RABGAP1L: variants seen among roughly 807,000 people sequenced by gnomAD.
The protein encoded by RABGAP1L is rab GTPase-activating protein 1-like.
In RABGAP1L, 63 loss-of-function variants were observed where a neutral mutation model predicts 137.7. The observed-to-expected ratio is 0.46, with a 90% CI of 0.37 to 0.56. The LOEUF (loss-of-function observed/expected upper bound fraction) is 0.56. Among genes scored for constraint, RABGAP1L ranks in the 20% least tolerant of loss-of-function variants. The pLI, the probability that RABGAP1L is intolerant of heterozygous loss-of-function variation, is 0.00. For synonymous variants in RABGAP1L, 431 were observed against 433.7 expected, an observed-to-expected ratio of 0.99 and a Z score of 0.08; for missense variants, 1,095 against 1,244.0, an observed-to-expected ratio of 0.88 and a Z score of 1.80.
chr1:174,402,829 G>A (rs1648771571), intron 13 of RABGAP1L, among the ~76,000 whole-genome samples: 1 of 152,118 alleles, frequency 6.6e-6, no homozygotes, highest in African/African-American at 2.4e-5. Context: ...GACCCACTAA[G>A]CAATGATCAC....
intron 1 of RABGAP1L, among the ~76,000 whole-genome samples, chr1:174,199,661 A>G (rs2148383520): frequency 6.6e-6 from 1 of 152,274 alleles, no homozygotes; most frequent in East Asian, 1.9e-4. Context: ...TATTTCCTTA[A>G]TAGTGGATTC....
chr1:174,292,226 T>C (rs961263087), intron 10 of RABGAP1L, among the ~76,000 whole-genome samples: 2 of 150,522 alleles, frequency 1.3e-5, no homozygotes, highest in African/African-American at 4.9e-5. Context: ...GGATGGGGTG[T>C]TGCTATGTTG....
At chr1:174,396,787 C>T (rs1647912138) in intron 13 of RABGAP1L, among the ~76,000 whole-genome samples, 1 of 151,976 alleles carries the variant, frequency 6.6e-6, no homozygotes, top group Admixed American at 6.6e-5. Flanking sequence ...AAATTTTTAT[C>T]ATTTATACCA....
chr1:174,221,994 ATTT>A (rs561413366), intron 3 of RABGAP1L, among the ~76,000 whole-genome samples: 2 of 144,268 alleles, frequency 1.4e-5, no homozygotes, highest in Non-Finnish European at 1.5e-5. Context: ...TGCCTAGCTA[ATTT>A]TTTTTTTTTT....
At chr1:174,588,045 T>C (rs1159951588) in intron 13 of RABGAP1L, among the ~76,000 whole-genome samples, 2 of 152,032 alleles carry the variant, frequency 1.3e-5, no homozygotes, top group Non-Finnish European at 2.9e-5. Flanking sequence ...TTTGTATTTT[T>C]AGTAGGGACA....
intron 6 of RABGAP1L, among the ~76,000 whole-genome samples, chr1:174,250,987 G>C (rs1672666427): frequency 6.6e-6 from 1 of 152,230 alleles, no homozygotes; most frequent in African/African-American, 2.4e-5. Flanking sequence ...TTTTAGGAGA[G>C]ACGGGGTTTC....
chr1:174,272,532 A>G (rs1388061894), intron 8 of RABGAP1L, 52 bp downstream of exon 8: 3 of 1,419,170 alleles, frequency 2.1e-6, no homozygotes, highest in Non-Finnish European at 2.8e-6. Context: ...GTTATTTTAT[A>G]TTTGACAAGT....
At chr1:174,672,588 A>G (rs1297285776) in intron 14 of RABGAP1L, among the ~76,000 whole-genome samples, 3 of 151,706 alleles carry the variant, frequency 2.0e-5, no homozygotes, top group African/African-American at 4.8e-5. Context: ...CTTTGTAGGC[A>G]TTTATTGCTG....
intron 19 of RABGAP1L, chr1:174,892,389 T>C (rs1009505541): frequency 2.7e-6 from 1 of 375,170 alleles, no homozygotes; most frequent in Non-Finnish European, 5.1e-6. Context: ...TATTTCCAGC[T>C]CCACCACTAT....
chr1:174,591,732 C>T (rs1397790819), intron 13 of RABGAP1L, among the ~76,000 whole-genome samples: 1 of 62,818 alleles, frequency 1.6e-5, no homozygotes, highest in Non-Finnish European at 2.7e-5. Context: ...GGTACCAGTA[C>T]CATGCTGTTT....
chr1:174,852,975 G>A (rs570699331), intron 19 of RABGAP1L, among the ~76,000 whole-genome samples: 4 of 152,010 alleles, frequency 2.6e-5, no homozygotes, highest in South Asian at 2.1e-4. Flanking sequence ...TTTAGCAGAA[G>A]TTTGTTATTT....
At chr1:174,904,508 G>T (rs1376623153) in intron 19 of RABGAP1L, among the ~76,000 whole-genome samples, 1 of 152,182 alleles carries the variant, frequency 6.6e-6, no homozygotes, top group Non-Finnish European at 1.5e-5. Flanking sequence ...CCAAGGACAG[G>T]CAGACAAAGG....
At chr1:174,402,072 G>A (rs1648661615) in intron 13 of RABGAP1L, among the ~76,000 whole-genome samples, 1 of 152,134 alleles carries the variant, frequency 6.6e-6, no homozygotes, top group Non-Finnish European at 1.5e-5. Flanking sequence ...CTGCCCCTCA[G>A]TAGATGCTAA....
chr1:174,486,158 C>T (rs1266957340), intron 13 of RABGAP1L, among the ~76,000 whole-genome samples: 3 of 150,520 alleles, frequency 2.0e-5, no homozygotes. Context: ...ATCCCTTGAA[C>T]ATCTACAGCA....
At chr1:174,611,799 T>G (rs1344468732) in intron 13 of RABGAP1L, among the ~76,000 whole-genome samples, 1 of 152,224 alleles carries the variant, frequency 6.6e-6, no homozygotes, top group African/African-American at 2.4e-5. Flanking sequence ...TTCCCAGGTA[T>G]TTTATTCTCC....
At chr1:174,507,997 G>C (rs1476525675) in intron 13 of RABGAP1L, among the ~76,000 whole-genome samples, 1 of 152,096 alleles carries the variant, frequency 6.6e-6, no homozygotes, top group Non-Finnish European at 1.5e-5. Flanking sequence ...CTACTGAGTA[G>C]CTTGTTCTGG....
At chr1:174,825,594 G>A (rs1258040897) in intron 19 of RABGAP1L, among the ~76,000 whole-genome samples, 2 of 152,224 alleles carry the variant, frequency 1.3e-5, no homozygotes, top group Admixed American at 6.5e-5. Context: ...TTTTAGAATC[G>A]AGGGTGTGGC....
intron 13 of RABGAP1L, among the ~76,000 whole-genome samples, chr1:174,555,260 A>G (rs963912538): frequency 3.3e-5 from 5 of 152,230 alleles, no homozygotes; most frequent in Non-Finnish European, 7.3e-5. Context: ...ACTCAATTTC[A>G]GCTGTTACTC....
intron 13 of RABGAP1L, among the ~76,000 whole-genome samples, chr1:174,512,011 A>G (rs182629054): frequency 2.2e-3 from 339 of 152,306 alleles, no homozygotes; most frequent in African/African-American, 7.8e-3. Context: ...ATTTTGCTTG[A>G]TAAAGTATAA....
Sources: gnomAD v4.1 joint callset for allele counts (sites outside exome capture counted in the v4.1 genomes callset) on GRCh38, gnomAD v4.1.1 for gene constraint, MANE v1.5 for transcripts, NCBI Gene and HGNC (gene_info 2026-07-23, HGNC 2026-07-21) for gene names.